Variants in FBLN5 observed in about 807,000 individuals in gnomAD.
The protein encoded by FBLN5 is fibulin 5.
FBLN5 carries 24 observed loss-of-function variants against 61.6 expected under a neutral mutation model. That is an observed-to-expected ratio of 0.39 (90% CI 0.28 to 0.55). The LOEUF is 0.55. FBLN5 is among the 20% of genes least tolerant of loss of function. FBLN5 has a pLI of 0.65. For missense variants in FBLN5, 470 were observed against 594.1 expected (o/e 0.79, Z 2.17); for synonymous variants, 213 against 219.8 (o/e 0.97, Z 0.27).
chr14:91,929,717 C>T lies in FBLN5; in HGVS notation c.379+7230G>A, dbSNP rs60975757. On this transcript the variant is annotated intron_variant, in intron 4 of 10. Transcript: ENST00000342058. ...TTGCATGAAAAAAATAAACCTTCTA[C>T]CTTTCTTTAAACACAGTTCTGTCGA... 3.0e-3 allele frequency among the ~76,000 whole-genome samples: 455 copies of T among 152,350 alleles called. 15 individuals carry two copies. The East Asian group carries it at 0.064, about 22-fold the overall frequency.
intron 2 of FBLN5, 48 bp downstream of exon 2, chr14:91,942,859 C>T: frequency 7.7e-7 from 1 of 1,291,970 alleles, no homozygotes; most frequent in Non-Finnish European, 1.1e-6. Context: ...CTCCCTCACC[C>T]CGGATTTTAA....
intron 1 of FBLN5, among the ~76,000 whole-genome samples, chr14:91,944,871 G>T (rs1441925969): frequency 1.3e-5 from 2 of 152,224 alleles, no homozygotes; most frequent in East Asian, 3.8e-4. Flanking sequence ...TCTGGAGATT[G>T]CACAGCAATG....
rs1322849669 is a variant in FBLN5 at position 91,947,163 on chromosome 14, G to T, written c.17+50C>A. 1 of 1,613,328 alleles carries T rather than the reference G, an allele frequency of 6.2e-7. No individual in the cohort carries two copies. Among genetic ancestry groups the T allele is most frequent in the Non-Finnish European group, 8.5e-7 (1 of 1,179,306 alleles). On this transcript the variant is annotated intron_variant, in intron 1 of 10. Coordinates refer to ENST00000342058, the MANE Select transcript of FBLN5 (RefSeq NM_006329.4). The surrounding 1 kb of genome is among the most constrained non-coding windows in gnomAD (Gnocchi z 4.3). Reference sequence around the variant, plus strand: ...CCATTTTCCACCCATCGGATTTTTAGCAAGGCTTCCAGACCCTGGAGAAAG... The same window carrying T: ...CCATTTTCCACCCATCGGATTTTTATCAAGGCTTCCAGACCCTGGAGAAAG...
chr14:91,935,279 A>G (rs992441463), intron 4 of FBLN5, among the ~76,000 whole-genome samples: 1 of 152,218 alleles, frequency 6.6e-6, no homozygotes, highest in African/African-American at 2.4e-5. Context: ...GGAGGGAGAC[A>G]CTTTGGAGAA....
chr14:91,924,563 T>C (rs2055794097), intron 4 of FBLN5, among the ~76,000 whole-genome samples: 1 of 151,766 alleles, frequency 6.6e-6, no homozygotes, highest in Admixed American at 6.6e-5. Flanking sequence ...ACACCTGTAG[T>C]CCCAGCTACT....
rs149035995 is a variant in FBLN5, at chr14:91,905,880, G to GTTGT, written c.380-10812_380-10809dup. ...GGTGTGAGCCACCACACCTGGCCGA[G>GTTGT]TTGTTTGTTTGTTTGTTTGTTTTTT... On this transcript the variant is annotated intron_variant, in intron 4 of 10. Coordinates refer to ENST00000342058, the MANE Select transcript of FBLN5 (RefSeq NM_006329.4). 2.0e-3 allele frequency among the ~76,000 whole-genome samples: 308 copies of GTTGT among 151,184 alleles called. 1 individual carries two copies. Among genetic ancestry groups the GTTGT allele is most frequent in the Non-Finnish European group, 3.3e-3 (222 of 67,778 alleles).
chr14:91,877,406 G>T, intron 10 of FBLN5, 81 bp downstream of exon 10: 3 of 1,174,646 alleles, frequency 2.6e-6, no homozygotes, highest in Non-Finnish European at 2.6e-6. Flanking sequence ...ACTCTTACCT[G>T]CTTGCATACA....
rs1446089983 is a variant in FBLN5, at chr14:91,882,948, C to T, written c.862+6G>A. ...ACCCCAGCCAGGCCCCTCCGGACAGCCTTACCTTGGCAGCTTCGGTTGTCA... is the reference window on the plus strand; with the variant it reads ...ACCCCAGCCAGGCCCCTCCGGACAGTCTTACCTTGGCAGCTTCGGTTGTCA... On this transcript the variant is annotated splice_donor_region_variant and intron_variant, in intron 8 of 10. Transcript: ENST00000342058. The surrounding 1 kb of genome is among the most constrained non-coding windows in gnomAD (Gnocchi z 4.9). The T allele has an allele frequency of 3.7e-6, 6 of 1,613,592 alleles. No homozygotes were observed. Among genetic ancestry groups the T allele is most frequent in the East Asian group, 2.2e-5 (1 of 44,866 alleles).
chr14:91,924,862 GT>G (rs1319085982), intron 4 of FBLN5, among the ~76,000 whole-genome samples: 1 of 152,050 alleles, frequency 6.6e-6, no homozygotes, highest in Admixed American at 6.5e-5. Context: ...CTTCATCCCT[GT>G]CCCCACGGAG....
At position 91,946,788 on chromosome 14, in the gene FBLN5, C is replaced by A. The variant is rs573882116; in HGVS notation, c.17+425G>T. On this transcript the variant is annotated intron_variant, in intron 1 of 10. Transcript: ENST00000342058. ...AATCCCACACAAACATAGAGCAAAT[C>A]CAGCCCCGCGGTGTTCAGCTAGCCT... is the stretch of plus-strand genomic sequence containing the variant. 3.9e-6 allele frequency: 6 copies of A among 1,535,978 alleles called. No homozygotes were observed. The Admixed American group carries it at 9.8e-5, about 25-fold the overall frequency.
At chr14:91,917,610 A>T (rs1891252492) in intron 4 of FBLN5, among the ~76,000 whole-genome samples, 2 of 151,646 alleles carry the variant, frequency 1.3e-5, no homozygotes, top group South Asian at 2.1e-4. Context: ...AGAAAGAAAG[A>T]AAAAACAAAA....
chr14:91,934,424 C>T (rs747962149), intron 4 of FBLN5, among the ~76,000 whole-genome samples: 11 of 152,096 alleles, frequency 7.2e-5, no homozygotes, highest in Non-Finnish European at 1.0e-4. Context: ...AATAGTTTTA[C>T]CTTGTAGCTG....
chr14:91,942,833 G>A (rs561218063), intron 2 of FBLN5, 74 bp downstream of exon 2: 20 of 945,760 alleles, frequency 2.1e-5, no homozygotes, highest in South Asian at 9.7e-5. Flanking sequence ...CTAGGGTTCC[G>A]TAGCGCAAGG....
At chr14:91,889,910 G>A (rs772153293) in intron 6 of FBLN5, among the ~76,000 whole-genome samples, 82 of 152,350 alleles carry the variant, frequency 5.4e-4, no homozygotes, top group Non-Finnish European at 9.1e-4. Flanking sequence ...GCTTGGGCAT[G>A]GCTATGCCTC....
At chr14:91,887,865 C>A (rs1889798812) in intron 6 of FBLN5, among the ~76,000 whole-genome samples, 2 of 152,144 alleles carry the variant, frequency 1.3e-5, no homozygotes, top group Admixed American at 6.5e-5. Context: ...AGAAGACCAC[C>A]AAGGGACACA....
At chr14:91,914,430 A>G (rs1260010420) in intron 4 of FBLN5, among the ~76,000 whole-genome samples, 1 of 147,994 alleles carries the variant, frequency 6.8e-6, no homozygotes, top group African/African-American at 2.5e-5. Flanking sequence ...GTGAGCCGAG[A>G]TCATGCCACT....
chr14:91,932,907 A>C (rs964401590), intron 4 of FBLN5, among the ~76,000 whole-genome samples: 2 of 152,230 alleles, frequency 1.3e-5, no homozygotes, highest in Admixed American at 6.5e-5. Context: ...ATTTCAACAA[A>C]CCAACAGACA....
intron 10 of FBLN5, chr14:91,873,427 T>C (rs1467422748): frequency 6.6e-6 from 1 of 152,332 alleles, no homozygotes; most frequent in African/African-American, 2.4e-5. Flanking sequence ...CTAGACTTTA[T>C]GGCTCCAAAA....
rs776848519 is a variant in FBLN5 at position 91,895,085 on chromosome 14, C to T, written c.380-13G>A. 2.3e-5 allele frequency: 37 copies of T among 1,613,770 alleles called. No individual in the cohort carries two copies. Among genetic ancestry groups the T allele is most frequent in the Non-Finnish European group, 3.1e-5 (36 of 1,179,848 alleles). Reference sequence around the variant, plus strand: ...CACTCGTCCACATCTGTAATACAGACATAGTCCAAAGAATGTCACTCACAT... The same window carrying T: ...CACTCGTCCACATCTGTAATACAGATATAGTCCAAAGAATGTCACTCACAT... On this transcript the variant is annotated splice_polypyrimidine_tract_variant and intron_variant, in intron 4 of 10. Coordinates refer to ENST00000342058, the MANE Select transcript of FBLN5 (RefSeq NM_006329.4).
Sources: gnomAD v4.1 joint callset for allele counts (sites outside exome capture counted in the v4.1 genomes callset) on GRCh38, gnomAD v4.1.1 for gene constraint, Gnocchi (gnomAD v3.1) non-coding constraint, MANE v1.5 for transcripts, NCBI Gene and HGNC (gene_info 2026-07-23, HGNC 2026-07-21) for gene names.